The following DLG2 variants were observed in gnomAD, a reference collection of about 807,000 sequenced individuals.
DLG2 encodes discs large MAGUK scaffold protein 2, also known as disks large homolog 2.
In DLG2, 45 loss-of-function variants were observed where a neutral mutation model predicts 132.5. The observed-to-expected ratio is 0.34, with a 90% CI of 0.27 to 0.44. The LOEUF (loss-of-function observed/expected upper bound fraction) is 0.44. DLG2 is among the 20% of genes least tolerant of loss of function. DLG2 has a pLI of 1.00. For synonymous variants in DLG2, 424 were observed against 419.6 expected (o/e 1.01, Z -0.13); for missense variants, 1,045 against 1,196.9 (o/e 0.87, Z 1.87).
chr11:85,615,939 T>A (rs1459730999), intron 2 of DLG2, among the ~76,000 whole-genome samples: 5 of 146,210 alleles, frequency 3.4e-5, no homozygotes, highest in African/African-American at 1.3e-4. Flanking sequence ...ATTCAGATGA[T>A]AAGCTTTTGT....
chr11:84,213,543 G>C (rs987278406), intron 8 of DLG2, among the ~76,000 whole-genome samples: 1 of 152,158 alleles, frequency 6.6e-6, no homozygotes, highest in Non-Finnish European at 1.5e-5. Flanking sequence ...TAAGAGGCCA[G>C]GCGCGGTGGC....
intron 3 of DLG2, among the ~76,000 whole-genome samples, chr11:85,543,319 T>C (rs1272708796): frequency 6.6e-6 from 1 of 152,256 alleles, no homozygotes; most frequent in Non-Finnish European, 1.5e-5. Context: ...TATTAATTCA[T>C]CATTTTTTAT....
intron 16 of DLG2, among the ~76,000 whole-genome samples, chr11:83,854,313 A>G (rs187906236): frequency 5.9e-5 from 9 of 152,230 alleles, no homozygotes; most frequent in African/African-American, 2.2e-4. Context: ...TTCCAACTTA[A>G]TTTGTAGATT....
At chr11:85,046,629 G>C (rs905881816) in intron 6 of DLG2, among the ~76,000 whole-genome samples, 16 of 151,652 alleles carry the variant, frequency 1.1e-4, no homozygotes, top group African/African-American at 3.6e-4. Context: ...GCTTAAACTA[G>C]GCAATTATTT....
intron 7 of DLG2, among the ~76,000 whole-genome samples, chr11:84,483,271 A>G (rs1160890162): frequency 2.0e-5 from 3 of 151,942 alleles, no homozygotes; most frequent in African/African-American, 7.3e-5. Context: ...CGTCTCTACA[A>G]AAATACAAAA....
intron 15 of DLG2, among the ~76,000 whole-genome samples, chr11:83,922,112 A>C (rs1444305603): frequency 6.6e-6 from 1 of 152,152 alleles, no homozygotes; most frequent in East Asian, 1.9e-4. Context: ...TGCTTTTAAA[A>C]CAATTATTGA....
chr11:84,004,517 A>C (rs1426768135), intron 11 of DLG2, among the ~76,000 whole-genome samples: 1 of 152,072 alleles, frequency 6.6e-6, no homozygotes. Flanking sequence ...TCTCTCTAAT[A>C]ACTGGAACAA....
intron 6 of DLG2, among the ~76,000 whole-genome samples, chr11:84,714,991 G>A (rs2061045716): frequency 6.6e-6 from 1 of 151,628 alleles, no homozygotes; most frequent in Non-Finnish European, 1.5e-5. Flanking sequence ...GAGTCACCCT[G>A]TAGAAGAAAG....
intron 6 of DLG2, among the ~76,000 whole-genome samples, chr11:84,862,498 C>G (rs1052791472): frequency 2.9e-4 from 44 of 152,166 alleles, no homozygotes; most frequent in African/African-American, 1.1e-3. Context: ...ATAAATCATT[C>G]TACAATAAAG....
At chr11:84,014,014 T>C (rs1343164927) in intron 11 of DLG2, among the ~76,000 whole-genome samples, 1 of 152,140 alleles carries the variant, frequency 6.6e-6, no homozygotes, top group African/African-American at 2.4e-5. Context: ...CACAATGCTC[T>C]GCAAACAAGT....
intron 6 of DLG2, among the ~76,000 whole-genome samples, chr11:84,699,039 C>T (rs983399029): frequency 6.6e-6 from 1 of 151,480 alleles, no homozygotes; most frequent in Non-Finnish European, 1.5e-5. Flanking sequence ...CTTATCACTA[C>T]CCTCTGTGCC....
In DLG2 at chr11:84,745,085, C is replaced by T. The variant is rs75599054; in HGVS notation, c.358-210354G>A. Among the ~76,000 whole-genome samples the T allele has an allele frequency of 6.1e-3, 922 of 151,910 alleles. 4 individuals are homozygous for T. Among genetic ancestry groups the T allele is most frequent in the Non-Finnish European group, 0.01 (694 of 67,986 alleles). On this transcript the variant is annotated intron_variant, in intron 6 of 27. Coordinates refer to ENST00000376104, the MANE Select transcript of DLG2 (RefSeq NM_001142699.3). ...CCGACAGTTCACATATTAGAGATCA[C>T]TATTCTTGAATCCATGAAAAAGAGG... is the stretch of plus-strand genomic sequence containing the variant.
chr11:85,105,422 A>G (rs945778570), intron 6 of DLG2, among the ~76,000 whole-genome samples: 1 of 151,918 alleles, frequency 6.6e-6, no homozygotes, highest in Non-Finnish European at 1.5e-5. Context: ...TATTCTATCA[A>G]TCTCATCTTC....
intron 8 of DLG2, among the ~76,000 whole-genome samples, chr11:84,193,863 A>G (rs1292021777): frequency 6.6e-6 from 1 of 152,110 alleles, no homozygotes; most frequent in Non-Finnish European, 1.5e-5. Flanking sequence ...CAATTACTCT[A>G]CCTTTGGGCA....
intron 6 of DLG2, among the ~76,000 whole-genome samples, chr11:85,108,645 T>C (rs1440471403): frequency 6.6e-6 from 1 of 152,060 alleles, no homozygotes; most frequent in Non-Finnish European, 1.5e-5. Flanking sequence ...AGTCAGATAT[T>C]TGAAATAGAT....
intron 4 of DLG2, among the ~76,000 whole-genome samples, chr11:85,203,906 A>G (rs1470323754): frequency 1.3e-5 from 2 of 152,162 alleles, no homozygotes; most frequent in African/African-American, 4.8e-5. Context: ...AACATAATAC[A>G]TCACATTAAC....
chr11:85,579,175 C>G (rs1396877082), intron 3 of DLG2, among the ~76,000 whole-genome samples: 1 of 151,902 alleles, frequency 6.6e-6, no homozygotes, highest in Non-Finnish European at 1.5e-5. Flanking sequence ...TAAGTGAGAG[C>G]TAAATGATGA....
intron 6 of DLG2, among the ~76,000 whole-genome samples, chr11:84,923,867 T>A (rs563881246): frequency 6.6e-6 from 1 of 152,276 alleles, no homozygotes; most frequent in African/African-American, 2.4e-5. Context: ...TAGAGCTATC[T>A]AAAGTTGCCA....
chr11:85,359,289 C>T (rs2083968034), intron 3 of DLG2, among the ~76,000 whole-genome samples: 1 of 152,208 alleles, frequency 6.6e-6, no homozygotes, highest in Non-Finnish European at 1.5e-5. Flanking sequence ...TGTCTTCACT[C>T]TATAAAATTC....
Sources: allele counts gnomAD v4.1 joint callset (sites outside exome capture counted in the v4.1 genomes callset), GRCh38; gene constraint gnomAD v4.1.1; transcripts MANE v1.5; gene names NCBI Gene and HGNC (gene_info 2026-07-23, HGNC 2026-07-21).